The following GSK3A variants were observed in gnomAD, a reference collection of about 807,000 sequenced individuals.
GSK3A encodes the protein glycogen synthase kinase 3 alpha, also known as glycogen synthase kinase-3 alpha.
Under a neutral mutation model 56.6 loss-of-function variants are expected in GSK3A, and 14 were observed. The observed-to-expected ratio is 0.25, with a 90% CI of 0.16 to 0.39. GSK3A has a LOEUF of 0.39. Ranked by LOEUF, GSK3A falls within the 10% of genes least tolerant of loss-of-function variation. The pLI is 1.00. For synonymous variants in GSK3A, 301 were observed against 285.0 expected, an observed-to-expected ratio of 1.06 and a Z score of -0.56; for missense variants, 450 against 656.0, an observed-to-expected ratio of 0.69 and a Z score of 3.43.
chr19:42,236,810 G>T, intron 3 of GSK3A, 48 bp downstream of exon 3: 1 of 1,510,962 alleles, frequency 6.6e-7, no homozygotes. Flanking sequence ...AGGCAGGCAG[G>T]CAGGAAAATG....
At chr19:42,240,664 G>A (rs2036286050) in intron 1 of GSK3A, 1 of 162,694 alleles carries the variant, frequency 6.1e-6, no homozygotes, top group Non-Finnish European at 1.3e-5. Flanking sequence ...CTGGTTCTTG[G>A]TGACAGAAAT....
chr19:42,238,606 CAAAAAAAAAAAA>C (rs769150560), intron 2 of GSK3A, among the ~76,000 whole-genome samples: 8,106 of 33,240 alleles, frequency 0.24, 449 homozygotes, highest in South Asian at 0.45. Flanking sequence ...GACTCCGTCT[CAAAAAAAAAAAA>C]AAAAAAAAAA....
chr19:42,231,788 C>A (rs948424513), intron 10 of GSK3A, among the ~76,000 whole-genome samples: 316 of 148,096 alleles, frequency 2.1e-3, no homozygotes, highest in African/African-American at 6.0e-3. Context: ...AAAAAAAAAA[C>A]AAACTTGGGC....
At chr19:42,231,404 G>A (rs572197098) in intron 10 of GSK3A, among the ~76,000 whole-genome samples, 5 of 152,030 alleles carry the variant, frequency 3.3e-5, no homozygotes, top group East Asian at 3.9e-4. Flanking sequence ...TAGGATGGGC[G>A]GGCCCATTGC....
At chr19:42,241,409 T>G (rs1338134811) in intron 1 of GSK3A, 1 of 152,090 alleles carries the variant, frequency 6.6e-6, no homozygotes, top group Non-Finnish European at 1.5e-5. Flanking sequence ...ATTAAAAAAG[T>G]ATAACCTTAG....
At position 42,236,945 on chromosome 19, in the gene GSK3A, G is replaced by A; in HGVS notation, c.472-4C>T. ...GCATGATCTGCAGCTCTCGGTTCTT[G>A]AGGGCAAAGGGAGAGTCTCAGAATA... On this transcript the variant is annotated splice_region_variant and splice_polypyrimidine_tract_variant and intron_variant, in intron 2 of 10. Coordinates refer to ENST00000222330, the MANE Select transcript of GSK3A (RefSeq NM_019884.3). 6.3e-7 allele frequency: 1 copy of A among 1,599,436 alleles called. No individual in the cohort carries two copies. Among genetic ancestry groups the A allele is most frequent in the Non-Finnish European group, 8.6e-7 (1 of 1,166,764 alleles).
intron 2 of GSK3A, 151 bp from the exon 3 acceptor site, chr19:42,237,092 C>G (rs1202564633): frequency 1.5e-6 from 1 of 652,888 alleles, no homozygotes; most frequent in Non-Finnish European, 2.8e-6. Flanking sequence ...TGTCTCCAGA[C>G]TATTCCCCTC....
Position 42,234,643 on chromosome 19 carries a change from G to A in GSK3A, c.702C>T (p.Tyr234=). Residue 234 remains tyrosine (Y), a synonymous_variant, in exon 5 of 11, where the codon TAC becomes TAT. Coordinates refer to ENST00000222330, the MANE Select transcript of GSK3A (RefSeq NM_019884.3). The surrounding 1 kb of genome is among the most constrained non-coding windows in gnomAD (Gnocchi z 5.7). ...GGTGACACACGCCCTGGGAGTGGAT[G>A]TAGGCCAAGCTGCGGAAGAGCTGGT... ...YMYQLFRSLA[Y]IHSQGVCHRD... 1 of 1,612,236 alleles carries A rather than the reference G, an allele frequency of 6.2e-7. No individual in the cohort carries two copies. The highest frequency in any genetic ancestry group is 8.5e-7 in the Non-Finnish European group (1 of 1,179,262).
rs760170493 is a variant in GSK3A at position 42,233,217 on chromosome 19, G to A, written c.1003-12C>T. On this transcript the variant is annotated splice_polypyrimidine_tract_variant and intron_variant, in intron 7 of 10. Transcript: ENST00000222330. Reference sequence around the variant, plus strand: ...GGTGTTCCCAGCACCTGTAAAGAGAGGGAGGGGTCTGAGACAAGGGCCCCA... The same window carrying A: ...GGTGTTCCCAGCACCTGTAAAGAGAAGGAGGGGTCTGAGACAAGGGCCCCA... The A allele has an allele frequency of 2.5e-6, 4 of 1,601,464 alleles. No homozygotes were observed. The highest frequency in any genetic ancestry group is 3.4e-6 in the Non-Finnish European group (4 of 1,171,894).
At chr19:42,235,095 C>T (rs1160753967) in intron 4 of GSK3A, among the ~76,000 whole-genome samples, 9 of 152,024 alleles carry the variant, frequency 5.9e-5, no homozygotes, top group Non-Finnish European at 1.3e-4. Context: ...CCACTGCACT[C>T]CAGCGTGGGT....
chr19:42,233,536 T>G (rs556147824), intron 6 of GSK3A, among the ~76,000 whole-genome samples, 153 bp from the exon 7 acceptor site: 6 of 152,294 alleles, frequency 3.9e-5, no homozygotes, highest in Non-Finnish European at 8.8e-5. Flanking sequence ...CTTAGAAACA[T>G]GGGCCCGACC....
rs1338618483 is a variant in GSK3A at position 42,234,625 on chromosome 19, C to T, written c.720G>A (p.Val240=). 1 of 1,613,374 alleles carries T rather than the reference C, an allele frequency of 6.2e-7. No homozygotes were observed. The highest frequency in any genetic ancestry group is 1.1e-5 in the South Asian group (1 of 90,998). ...TCTGGGGCTTGATGTCGCGGTGACA[C>T]ACGCCCTGGGAGTGGATGTAGGCCA... ...RSLAYIHSQG[V]CHRDIKPQNL... The change falls in exon 5 of 11, where the codon GTG becomes GTA. Residue 240 remains valine (V), a synonymous_variant. Coordinates refer to ENST00000222330, the MANE Select transcript of GSK3A (RefSeq NM_019884.3). This position sits in a 1 kb window ranked among gnomAD's most constrained non-coding sequence, Gnocchi z 5.7.
At chr19:42,231,939 T>A in intron 10 of GSK3A, 118 bp downstream of exon 10, 1 of 612,704 alleles carries the variant, frequency 1.6e-6, no homozygotes, top group South Asian at 2.0e-5. Flanking sequence ...GTGTTTCCTA[T>A]GCCATCAAAA....
At chr19:42,236,086 C>T (rs2036255182) in intron 4 of GSK3A, among the ~76,000 whole-genome samples, 1 of 152,226 alleles carries the variant, frequency 6.6e-6, no homozygotes, top group African/African-American at 2.4e-5. Context: ...TTCATTCAAA[C>T]ACCTCCTGAA....
At chr19:42,232,391 A>G in intron 9 of GSK3A, 105 bp downstream of exon 9, 2 of 1,056,870 alleles carry the variant, frequency 1.9e-6, no homozygotes, top group Non-Finnish European at 2.8e-6. Context: ...CCTGCCTTGT[A>G]CCCTGCCCTT....
intron 10 of GSK3A, among the ~76,000 whole-genome samples, chr19:42,231,705 G>A (rs1007616815): frequency 9.9e-5 from 15 of 151,200 alleles, no homozygotes; most frequent in African/African-American, 2.4e-4. Flanking sequence ...CCCAGGAGGC[G>A]GAGATTGCAG....
At position 42,242,232 on chromosome 19, in the gene GSK3A, T is replaced by G; in HGVS notation, c.234A>C (p.Gly78=). ...GPGGSGGGGS[G]GPGAGTSFPP... is the part of the protein sequence containing the mutation. ...GGAAGCTAGTGCCTGCGCCGGGGCC[T>G]CCGCTGCCTCCTCCGCCGCTGCCGC... Residue 78 remains glycine, a synonymous_variant, in exon 1 of 11, where the codon GGA becomes GGC. Transcript: ENST00000222330. 6.9e-7 allele frequency: 1 copy of G among 1,440,496 alleles called. No individual in the cohort carries two copies. The highest frequency in any genetic ancestry group is 9.1e-7 in the Non-Finnish European group (1 of 1,101,296). 89.2% of individuals were successfully genotyped at this position (1,440,496 alleles called of 1,614,324 possible).
At chr19:42,232,275 A>G (rs1342010114) in intron 9 of GSK3A, 126 bp from the exon 10 acceptor site, 3 of 747,840 alleles carry the variant, frequency 4.0e-6, no homozygotes, top group Non-Finnish European at 6.9e-6. Context: ...GACCTCTCTC[A>G]ATGAAAAACC....
At chr19:42,238,522 G>A (rs934530552) in intron 2 of GSK3A, among the ~76,000 whole-genome samples, 7 of 147,284 alleles carry the variant, frequency 4.8e-5, no homozygotes, top group African/African-American at 7.6e-5. Flanking sequence ...CAGAAGAATC[G>A]CTTGAACCCG....
Sources: gnomAD v4.1 joint callset for allele counts (sites outside exome capture counted in the v4.1 genomes callset) on GRCh38, gnomAD v4.1.1 for gene constraint, Gnocchi (gnomAD v3.1) non-coding constraint, MANE v1.5 for transcripts, NCBI Gene and HGNC (gene_info 2026-07-23, HGNC 2026-07-21) for gene names.